The following VPS8 variants were observed in gnomAD, a reference collection of about 807,000 sequenced individuals.
VPS8 encodes VPS8 subunit of CORVET complex.
A neutral mutation model predicts 216.4 loss-of-function variants in VPS8; 129 were observed. The observed-to-expected ratio is 0.60, with a 90% CI of 0.52 to 0.69. The LOEUF (loss-of-function observed/expected upper bound fraction) is 0.69. Among genes scored for constraint, VPS8 ranks in the 30% least tolerant of loss-of-function variants. VPS8 has a pLI of 0.00. For missense variants in VPS8, 1,531 were observed against 1,683.5 expected (o/e 0.91, Z 1.59); for synonymous variants, 571 against 565.4 (o/e 1.01, Z -0.14).
chr3:184,971,504 T>C (rs145447330), intron 39 of VPS8, 145 bp from the exon 40 acceptor site: 4 of 545,202 alleles, frequency 7.3e-6, no homozygotes, highest in African/African-American at 3.9e-5. Context: ...TTTTAATCTA[T>C]AAAACATTAG....
chr3:184,910,425 C>T (rs1182599500), intron 25 of VPS8, among the ~76,000 whole-genome samples: 4 of 152,176 alleles, frequency 2.6e-5, no homozygotes, highest in Non-Finnish European at 5.9e-5. Flanking sequence ...TTTACTTGTA[C>T]AGCTAACTCC....
intron 46 of VPS8, among the ~76,000 whole-genome samples, chr3:185,028,458 CAG>C (rs1448134706): frequency 6.6e-6 from 1 of 152,124 alleles, no homozygotes; most frequent in African/African-American, 2.4e-5. Context: ...AAAAGATAAA[CAG>C]GGGTTCAGAC....
At chr3:185,012,754 C>T (rs1445122867) in intron 45 of VPS8, among the ~76,000 whole-genome samples, 6 of 152,046 alleles carry the variant, frequency 3.9e-5, no homozygotes, top group African/African-American at 1.4e-4. Flanking sequence ...TGTGACATTC[C>T]TTGCCAAGAC....
intron 13 of VPS8, 57 bp downstream of exon 13, chr3:184,854,230 A>G: frequency 1.5e-5 from 24 of 1,582,232 alleles, no homozygotes; most frequent in Non-Finnish European, 2.1e-5. Flanking sequence ...GGAGGTTGAG[A>G]GAGATGGCTT....
At chr3:184,812,604 C>T (rs998343625) in intron 1 of VPS8, 4 of 152,262 alleles carry the variant, frequency 2.6e-5, no homozygotes, top group African/African-American at 9.6e-5. Context: ...ATTTGTGTAT[C>T]TCTCCCTTTC....
At chr3:184,859,882 G>A in intron 14 of VPS8, 103 bp from the exon 15 acceptor site, 1 of 750,606 alleles carries the variant, frequency 1.3e-6, no homozygotes, top group Non-Finnish European at 2.2e-6. Flanking sequence ...ACAGGGAATG[G>A]GATAATGGGT....
chr3:184,841,923 T>G (rs540901447), intron 7 of VPS8, among the ~76,000 whole-genome samples: 1 of 152,022 alleles, frequency 6.6e-6, no homozygotes, highest in South Asian at 2.1e-4. Context: ...AGGAGGCAAA[T>G]TCTAAGATAG....
At chr3:184,897,019 G>T (rs1301750700) in intron 23 of VPS8, among the ~76,000 whole-genome samples, 1 of 152,176 alleles carries the variant, frequency 6.6e-6, no homozygotes, top group Admixed American at 6.5e-5. Context: ...TTTGTCTCGG[G>T]TGTTCAAAAG....
At chr3:184,851,308 G>A (rs1724205112) in intron 10 of VPS8, among the ~76,000 whole-genome samples, 1 of 152,186 alleles carries the variant, frequency 6.6e-6, no homozygotes, top group Non-Finnish European at 1.5e-5. Flanking sequence ...GGTACATGTA[G>A]ATAATAACAC....
At chr3:184,815,898 A>G (rs1412632095) in intron 1 of VPS8, 2 of 152,060 alleles carry the variant, frequency 1.3e-5, no homozygotes, top group Non-Finnish European at 2.9e-5. Flanking sequence ...TTGAGATGAC[A>G]GTTAATTGCA....
intron 42 of VPS8, among the ~76,000 whole-genome samples, chr3:184,993,225 T>C (rs1392530480): frequency 6.6e-6 from 1 of 152,168 alleles, no homozygotes; most frequent in African/African-American, 2.4e-5. Flanking sequence ...AATACATCCC[T>C]CTTTCTCTTC....
intron 28 of VPS8, among the ~76,000 whole-genome samples, chr3:184,917,090 AGGAACACTTAATGAG>A (rs1456777728): frequency 4.6e-5 from 7 of 152,202 alleles, no homozygotes; most frequent in Admixed American, 2.0e-4. Flanking sequence ...AGGATGCTAT[AGGAACACTTAATGAG>A]GGGCACCTAC....
intron 45 of VPS8, among the ~76,000 whole-genome samples, chr3:185,016,240 A>C (rs1255230510): frequency 6.6e-6 from 1 of 152,218 alleles, no homozygotes; most frequent in Non-Finnish European, 1.5e-5. Flanking sequence ...AGTGTCATTT[A>C]CTAAGGCCCC....
At chr3:184,906,800 C>T (rs1224839334) in intron 25 of VPS8, among the ~76,000 whole-genome samples, 1 of 152,016 alleles carries the variant, frequency 6.6e-6, no homozygotes, top group African/African-American at 2.4e-5. Flanking sequence ...TGTAGAGGTG[C>T]GATTGTATTC....
At chr3:185,029,867 A>G (rs1757874913) in intron 46 of VPS8, among the ~76,000 whole-genome samples, 1 of 152,180 alleles carries the variant, frequency 6.6e-6, no homozygotes, top group Admixed American at 6.5e-5. Context: ...CCCTGCCCAC[A>G]ACACGTATCT....
intron 22 of VPS8, among the ~76,000 whole-genome samples, chr3:184,892,617 T>G (rs1732572091): frequency 6.6e-6 from 1 of 152,216 alleles, no homozygotes; most frequent in African/African-American, 2.4e-5. Flanking sequence ...AAAAATTTTA[T>G]TTTAAGGTAG....
chr3:185,025,770 T>A (rs906317383), intron 46 of VPS8, among the ~76,000 whole-genome samples: 5 of 152,210 alleles, frequency 3.3e-5, no homozygotes, highest in Admixed American at 3.3e-4. Flanking sequence ...CTCTCCAATG[T>A]TAGCTATGGA....
intron 22 of VPS8, among the ~76,000 whole-genome samples, chr3:184,893,933 T>G (rs957352730): frequency 2.0e-5 from 3 of 152,202 alleles, no homozygotes; most frequent in Non-Finnish European, 2.9e-5. Flanking sequence ...GCTTATCATA[T>G]AATGTATGAA....
In VPS8 at chr3:184,826,248, G is replaced by A; in HGVS notation, c.222+17G>A. On this transcript the variant is annotated intron_variant, in intron 3 of 47. Transcript: ENST00000625842. ...CTAAATGAGGTAAGTGAATATTAAT[G>A]ATTACTGTCATTTTGTGTGTGGCAT... is the stretch of plus-strand genomic sequence containing the variant. 1 of 1,590,434 alleles carries A rather than the reference G, an allele frequency of 6.3e-7. No homozygotes were observed. Among genetic ancestry groups the A allele is most frequent in the Non-Finnish European group, 8.6e-7 (1 of 1,163,152 alleles).
Sources: allele counts gnomAD v4.1 joint callset (sites outside exome capture counted in the v4.1 genomes callset), GRCh38; gene constraint gnomAD v4.1.1; transcripts MANE v1.5; gene names NCBI Gene and HGNC (gene_info 2026-07-23, HGNC 2026-07-21).